MYO5A: variants seen among roughly 807,000 people sequenced by gnomAD.
MYO5A encodes the protein unconventional myosin-Va.
A neutral mutation model predicts 249.7 loss-of-function variants in MYO5A; 98 were observed. The observed-to-expected ratio is 0.39, with a 90% CI of 0.33 to 0.46. The LOEUF (loss-of-function observed/expected upper bound fraction) is 0.46. Among genes scored for constraint, MYO5A ranks in the 20% least tolerant of loss-of-function variants. MYO5A has a pLI of 0.98. For synonymous variants in MYO5A, 778 were observed against 810.6 expected (o/e 0.96, Z 0.68); for missense variants, 1,696 against 2,308.8 (o/e 0.73, Z 5.44).
chr15:52,451,993 T>A (rs1271995301), intron 1 of MYO5A, among the ~76,000 whole-genome samples: 7 of 152,170 alleles, frequency 4.6e-5, no homozygotes, highest in African/African-American at 1.7e-4. Context: ...TAAATGTATA[T>A]TTCATTAAAT....
In MYO5A at chr15:52,348,118, C is replaced by T. The variant is rs138943147; in HGVS notation, c.3858+700G>A. On this transcript the variant is annotated intron_variant, in intron 29 of 41. Transcript: ENST00000399233. ...TGGGTGGTAAGTCACCAGTTCTTCCCTCATTCTGACTACCTTAGCTAAAAA... is the reference window on the plus strand; with the variant it reads ...TGGGTGGTAAGTCACCAGTTCTTCCTTCATTCTGACTACCTTAGCTAAAAA... 3.4e-3 allele frequency among the ~76,000 whole-genome samples: 517 copies of T among 152,322 alleles called. 3 individuals carry two copies. Among genetic ancestry groups the T allele is most frequent in the Non-Finnish European group, 5.8e-3 (396 of 68,026 alleles).
At position 52,327,952 on chromosome 15, in the gene MYO5A, A is replaced by G. The variant is rs1204007548; in HGVS notation, c.4610T>C (p.Ile1537Thr). 1 of 1,613,766 alleles carries G rather than the reference A, an allele frequency of 6.2e-7. No individual in the cohort carries two copies. The highest frequency in any genetic ancestry group is 1.1e-5 in the South Asian group (1 of 91,082). Residue 1537 changes from isoleucine (I) to threonine (T), a missense_variant, in exon 36 of 42, where the codon ATC becomes ACC. This residue lies in a region of MYO5A where 625 missense variants were observed against 908.1 expected (regional missense o/e 0.69). Coordinates refer to ENST00000399233, the MANE Select transcript of MYO5A (RefSeq NM_001382347.1). ...VNLIPGLPAY[I>T]LFMCVRHADY... ...AGCATGTCGAACACACATGAACAGGATATATGCCGGTAATCCTGGAATCAA... is the reference window on the plus strand; with the variant it reads ...AGCATGTCGAACACACATGAACAGGGTATATGCCGGTAATCCTGGAATCAA...
In MYO5A at chr15:52,421,412, A is replaced by G. The variant is rs530610059; in HGVS notation, c.455+4418T>C. On this transcript the variant is annotated intron_variant, in intron 4 of 41. Transcript: ENST00000399233. The stretch of plus-strand genomic sequence containing the variant: ...AATGATGATGACTATGATGATAAGA[A>G]CAGCTTATATTGGAATAGAACTTAG... Among the ~76,000 whole-genome samples the G allele has an allele frequency of 2.6e-5, 4 of 152,382 alleles. No individual in the cohort carries two copies. In the East Asian group the frequency reaches 7.7e-4, roughly 29 times the overall value.
intron 34 of MYO5A, among the ~76,000 whole-genome samples, chr15:52,333,203 G>C (rs949931232): frequency 6.6e-6 from 1 of 152,106 alleles, no homozygotes; most frequent in African/African-American, 2.4e-5. Flanking sequence ...GCAGCACAAA[G>C]GGACTGAGGA....
chr15:52,378,885 C>T (rs1194161480), intron 18 of MYO5A, among the ~76,000 whole-genome samples: 1 of 152,166 alleles, frequency 6.6e-6, no homozygotes, highest in Non-Finnish European at 1.5e-5. Flanking sequence ...GATGGCGGGG[C>T]CCAGCAATCT....
At chr15:52,341,361 G>A (rs2039375945) in intron 31 of MYO5A, among the ~76,000 whole-genome samples, 1 of 152,212 alleles carries the variant, frequency 6.6e-6, no homozygotes, top group Admixed American at 6.5e-5. Context: ...ACAAGATGTG[G>A]TTTTAGAACA....
At chr15:52,326,721 G>GT (rs2140946417) in intron 36 of MYO5A, among the ~76,000 whole-genome samples, 1 of 152,260 alleles carries the variant, frequency 6.6e-6, no homozygotes, top group African/African-American at 2.4e-5. Flanking sequence ...TGTTATGTAT[G>GT]TTTTACCTAA....
chr15:52,393,230 G>A (rs75930639), intron 11 of MYO5A, among the ~76,000 whole-genome samples: 3,250 of 152,158 alleles, frequency 0.021, 107 homozygotes, highest in African/African-American at 0.075. Context: ...AAAGACTTTC[G>A]TGGTGATGAT....
At chr15:52,460,654 CGTGCGA>C (rs1375951577) in intron 1 of MYO5A, among the ~76,000 whole-genome samples, 1 of 143,682 alleles carries the variant, frequency 7.0e-6, no homozygotes, top group African/African-American at 2.5e-5. Context: ...AGACGAGGAC[CGTGCGA>C]GGGCGAGGGC....
At chr15:52,329,905 A>ATTTT (rs58058940) in intron 35 of MYO5A, among the ~76,000 whole-genome samples, 3 of 119,722 alleles carry the variant, frequency 2.5e-5, no homozygotes, top group South Asian at 5.8e-4. Flanking sequence ...CGCCTGGGTA[A>ATTTT]TTTTTTTTTT....
In MYO5A at chr15:52,327,931, T is replaced by C. The variant is rs1355347018; in HGVS notation, c.4631A>G (p.His1544Arg). Reference protein sequence around the residue: ...PAYILFMCVRHADYLNDDQKV... With the variant: ...PAYILFMCVRRADYLNDDQKV... ...CTGATCATCATTCAGGTAGTCAGCATGTCGAACACACATGAACAGGATATA... is the reference window on the plus strand; with the variant it reads ...CTGATCATCATTCAGGTAGTCAGCACGTCGAACACACATGAACAGGATATA... The change falls in exon 36 of 42, where the codon CAT becomes CGT. Residue 1544 changes from histidine to arginine, a missense_variant. Transcript: ENST00000399233. 2 of 1,613,516 alleles carry C rather than the reference T, an allele frequency of 1.2e-6. No homozygotes were observed. The highest frequency in any genetic ancestry group is 1.7e-6 in the Non-Finnish European group (2 of 1,179,428).
At chr15:52,433,125 G>T in intron 2 of MYO5A, 50 bp downstream of exon 2, 1 of 1,315,642 alleles carries the variant, frequency 7.6e-7, no homozygotes, top group South Asian at 1.2e-5. Flanking sequence ...TTACACTTTT[G>T]AACTCCCTTC....
intron 25 of MYO5A, 141 bp from the exon 26 acceptor site, chr15:52,354,155 A>G (rs908384166): frequency 1.0e-6 from 1 of 1,002,124 alleles, no homozygotes. Flanking sequence ...TATTTTTAAA[A>G]TGCTCAACCT....
At chr15:52,457,532 G>T (rs11855692) in intron 1 of MYO5A, among the ~76,000 whole-genome samples, 22,474 of 151,738 alleles carry the variant, frequency 0.15, 1,765 homozygotes, top group Middle Eastern at 0.22. Flanking sequence ...CTAATCATCA[G>T]AAAATGCAAA....
chr15:52,397,916 G>A (rs1313278219), intron 9 of MYO5A, among the ~76,000 whole-genome samples: 1 of 152,190 alleles, frequency 6.6e-6, no homozygotes, highest in East Asian at 1.9e-4. Flanking sequence ...CAAAGACCAA[G>A]GACACTATGC....
intron 1 of MYO5A, among the ~76,000 whole-genome samples, chr15:52,441,946 T>G (rs1416783704): frequency 6.6e-6 from 1 of 152,218 alleles, no homozygotes; most frequent in South Asian, 2.1e-4. Context: ...TTATCGGTCT[T>G]ACCAAACACT....
At chr15:52,387,660 T>C in intron 14 of MYO5A, 169 bp downstream of exon 14, 1 of 596,740 alleles carries the variant, frequency 1.7e-6, no homozygotes, top group Non-Finnish European at 3.0e-6. Flanking sequence ...TTCAATACAT[T>C]TAGAACAGGA....
chr15:52,316,477 A>C (rs1337960364), intron 40 of MYO5A, among the ~76,000 whole-genome samples: 1 of 152,186 alleles, frequency 6.6e-6, no homozygotes, highest in African/African-American at 2.4e-5. Flanking sequence ...AATTTGCTAG[A>C]ACCTCTACGG....
At chr15:52,321,189 G>C (rs1272129975) in intron 38 of MYO5A, among the ~76,000 whole-genome samples, 170 bp downstream of exon 38, 3 of 152,216 alleles carry the variant, frequency 2.0e-5, no homozygotes, top group African/African-American at 7.2e-5. Flanking sequence ...ATGTATCCCA[G>C]TTAACTATGG....
Sources: allele counts gnomAD v4.1 joint callset (sites outside exome capture counted in the v4.1 genomes callset), GRCh38; gene constraint gnomAD v4.1.1; regional missense constraint gnomAD v4.1.1; transcripts MANE v1.5; gene names NCBI Gene and HGNC (gene_info 2026-07-23, HGNC 2026-07-21).